Variants in LRRFIP1 observed in about 807,000 individuals in gnomAD.
LRRFIP1 encodes the protein leucine-rich repeat flightless-interacting protein 1.
Under a neutral mutation model 104.4 loss-of-function variants are expected in LRRFIP1, and 62 were observed. The observed-to-expected ratio is 0.59, with a 90% CI of 0.48 to 0.73. The LOEUF is 0.73. Ranked by LOEUF, LRRFIP1 falls within the 30% of genes least tolerant of loss-of-function variation. The pLI, the probability that LRRFIP1 is intolerant of heterozygous loss-of-function variation, is 0.00. For missense variants in LRRFIP1, 796 were observed against 824.5 expected (o/e 0.97, Z 0.42); for synonymous variants, 300 against 299.0 (o/e 1.00, Z -0.03).
chr2:237,633,701 C>T (rs1485520608), intron 1 of LRRFIP1, among the ~76,000 whole-genome samples: 2 of 152,156 alleles, frequency 1.3e-5, no homozygotes, highest in African/African-American at 2.4e-5. Flanking sequence ...AAAAGAGTTC[C>T]GAGTCTCTCT....
chr2:237,675,688 T>C (rs923232694), intron 1 of LRRFIP1, among the ~76,000 whole-genome samples: 3 of 152,138 alleles, frequency 2.0e-5, no homozygotes, highest in Admixed American at 6.5e-5. Flanking sequence ...TACCTGCTCA[T>C]GGAAGAAAAA....
At chr2:237,761,140 A>G (rs1049138947) in intron 19 of LRRFIP1, among the ~76,000 whole-genome samples, 3 of 152,218 alleles carry the variant, frequency 2.0e-5, no homozygotes, top group Non-Finnish European at 4.4e-5. Flanking sequence ...AGACACCTCC[A>G]GGCCCCATCT....
At chr2:237,719,603 G>C in intron 5 of LRRFIP1, 36 bp downstream of exon 5, 1 of 1,540,348 alleles carries the variant, frequency 6.5e-7, no homozygotes, top group Non-Finnish European at 9.0e-7. Context: ...TGGGCAATTT[G>C]ATTGAATTCT....
At chr2:237,775,611 C>T (rs542081472) in intron 23 of LRRFIP1, among the ~76,000 whole-genome samples, 28 of 152,278 alleles carry the variant, frequency 1.8e-4, no homozygotes, top group African/African-American at 5.5e-4. Flanking sequence ...GTGAGCAAAT[C>T]GCTTGAGCTC....
intron 1 of LRRFIP1, among the ~76,000 whole-genome samples, chr2:237,657,977 A>G (rs1305575020): frequency 1.3e-5 from 2 of 152,238 alleles, no homozygotes; most frequent in Non-Finnish European, 2.9e-5. Flanking sequence ...AAGTGAAAGA[A>G]GTACACAAGA....
chr2:237,678,725 C>A (rs2091462802), intron 1 of LRRFIP1, among the ~76,000 whole-genome samples: 1 of 152,022 alleles, frequency 6.6e-6, no homozygotes, highest in African/African-American at 2.4e-5. Flanking sequence ...CCAGGCTGGT[C>A]TCAAACTCCT....
intron 1 of LRRFIP1, among the ~76,000 whole-genome samples, chr2:237,630,776 A>G (rs2082234386): frequency 1.3e-5 from 2 of 152,208 alleles, no homozygotes; most frequent in Admixed American, 1.3e-4. Flanking sequence ...TTTTTCCCAC[A>G]GCACCTGCGC....
At chr2:237,688,860 G>A (rs935120728) in intron 1 of LRRFIP1, among the ~76,000 whole-genome samples, 1 of 151,972 alleles carries the variant, frequency 6.6e-6, no homozygotes, top group East Asian at 1.9e-4. Flanking sequence ...ATGATTTAAC[G>A]TTACTCTGCC....
chr2:237,627,875 G>A, intron 1 of LRRFIP1, 135 bp downstream of exon 1: 1 of 499,164 alleles, frequency 2.0e-6, no homozygotes, highest in Non-Finnish European at 2.9e-6. Flanking sequence ...CGGGTGGGCC[G>A]GGCAGGCGCG....
chr2:237,675,734 C>T (rs931956656), intron 1 of LRRFIP1, among the ~76,000 whole-genome samples: 1 of 152,186 alleles, frequency 6.6e-6, no homozygotes, highest in African/African-American at 2.4e-5. Context: ...AAAAAAATAT[C>T]TCTATCTTCC....
At chr2:237,713,625 TAATGAATGAATG>T (rs368832156) in intron 2 of LRRFIP1, among the ~76,000 whole-genome samples, 74 of 152,296 alleles carry the variant, frequency 4.9e-4, no homozygotes, top group Non-Finnish European at 2.6e-4. Context: ...ACAAATGTCT[TAATGAATGAATG>T]AATGAATGAA....
chr2:237,705,811 C>T (rs1408554788), intron 1 of LRRFIP1, among the ~76,000 whole-genome samples: 1 of 152,158 alleles, frequency 6.6e-6, no homozygotes, highest in East Asian at 1.9e-4. Context: ...GAATTCAGTT[C>T]CTTGTGGTTG....
chr2:237,687,603 CAAAAAAA>C (rs58549867), intron 1 of LRRFIP1, among the ~76,000 whole-genome samples: 2 of 81,114 alleles, frequency 2.5e-5, no homozygotes, highest in African/African-American at 4.7e-5. Flanking sequence ...GACTCCATCT[CAAAAAAA>C]AAAAAAAAAA....
intron 19 of LRRFIP1, chr2:237,763,478 A>G (rs2060066586): frequency 6.8e-6 from 11 of 1,613,358 alleles, no homozygotes; most frequent in Non-Finnish European, 9.3e-6. Context: ...AGAAACCCTT[A>G]AAGATGTTAA....
At chr2:237,652,440 A>C (rs2029771) in intron 1 of LRRFIP1, among the ~76,000 whole-genome samples, 90,387 of 152,044 alleles carry the variant, frequency 0.59, 27,322 homozygotes, top group African/African-American at 0.7. Flanking sequence ...GAGAAGTGCC[A>C]AATGGATATA....
At chr2:237,696,641 A>G (rs1027885182) in intron 1 of LRRFIP1, among the ~76,000 whole-genome samples, 2 of 152,248 alleles carry the variant, frequency 1.3e-5, no homozygotes, top group African/African-American at 2.4e-5. Flanking sequence ...CAGAAAGGTC[A>G]GGGACTTTCC....
chr2:237,644,169 A>G (rs2084487681), intron 1 of LRRFIP1, among the ~76,000 whole-genome samples: 1 of 152,198 alleles, frequency 6.6e-6, no homozygotes, highest in Non-Finnish European at 1.5e-5. Flanking sequence ...CTTTGGCCTC[A>G]TTGGGCGTTG....
rs541516978 is a variant in LRRFIP1 at position 237,691,035 on chromosome 2, T to A, written c.97-17509T>A. On this transcript the variant is annotated intron_variant, in intron 1 of 23. Coordinates refer to ENST00000308482, the MANE Select transcript of LRRFIP1 (RefSeq NM_001137550.2). This position sits in a 1 kb window ranked among gnomAD's most constrained non-coding sequence, Gnocchi z 5.4. ...CCCTGCTGCACACCCTCCTGACAAC[T>A]CCTGCCCTGAAGCCCTGGGCCCGGG... is the stretch of plus-strand genomic sequence containing the variant. Among the ~76,000 whole-genome samples, 2 of 151,554 alleles carry A rather than the reference T, an allele frequency of 1.3e-5. No homozygotes were observed. The highest frequency in any genetic ancestry group is 2.4e-5 in the African/African-American group (1 of 40,932).
At chr2:237,762,039 G>T (rs1354975328) in intron 19 of LRRFIP1, among the ~76,000 whole-genome samples, 3 of 152,170 alleles carry the variant, frequency 2.0e-5, no homozygotes, top group Non-Finnish European at 4.4e-5. Flanking sequence ...TAGTTGAGTG[G>T]CAGAAGATAG....
Sources: gnomAD v4.1 joint callset for allele counts (sites outside exome capture counted in the v4.1 genomes callset) on GRCh38, gnomAD v4.1.1 for gene constraint, Gnocchi (gnomAD v3.1) non-coding constraint, MANE v1.5 for transcripts, NCBI Gene and HGNC (gene_info 2026-07-23, HGNC 2026-07-21) for gene names.